The following VSTM4 variants were observed in gnomAD, a reference collection of about 807,000 sequenced individuals.
VSTM4 encodes V-set and transmembrane domain containing 4.
VSTM4 carries 20 observed loss-of-function variants against 36.4 expected under a neutral mutation model. The observed-to-expected ratio is 0.55, with a 90% CI of 0.39 to 0.80. The LOEUF (loss-of-function observed/expected upper bound fraction) is 0.80, where lower values mean the gene tolerates loss of function less well. VSTM4 is among the 30% of genes least tolerant of loss of function. The pLI is 0.00. For missense variants in VSTM4, 392 were observed against 404.5 expected (o/e 0.97, Z 0.26); for synonymous variants, 182 against 173.9 (o/e 1.05, Z -0.37).
At chr10:49,066,366 A>G (rs1001936491) in intron 4 of VSTM4, among the ~76,000 whole-genome samples, 2 of 152,164 alleles carry the variant, frequency 1.3e-5, no homozygotes, top group Non-Finnish European at 2.9e-5. Context: ...CAAGGGGGGG[A>G]TGTTTCTAAT....
intron 4 of VSTM4, among the ~76,000 whole-genome samples, chr10:49,072,180 G>C (rs898692099): frequency 6.6e-6 from 1 of 152,156 alleles, no homozygotes; most frequent in African/African-American, 2.4e-5. Flanking sequence ...TCCATAAAAG[G>C]AGGAGCATCT....
In VSTM4 at chr10:49,107,975, C is replaced by T. The variant is rs771100395; in HGVS notation, c.76G>A (p.Val26Ile). 1 of 1,588,424 alleles carries T rather than the reference C, an allele frequency of 6.3e-7. No individual in the cohort carries two copies. Among genetic ancestry groups the T allele is most frequent in the South Asian group, 1.1e-5 (1 of 88,008 alleles). Residue 26 changes from valine to isoleucine, a missense_variant, in exon 2 of 8, where the codon GTC (valine) becomes ATC (isoleucine). Transcript: ENST00000332853. ...PAPEVCAALNVTVSPGPVVDY... is the reference protein window; with the variant it reads ...PAPEVCAALNITVSPGPVVDY... ...ACCACGGGCCCCGGGGACACAGTGA[C>T]ATTGAGGGCCGCACAGACCTCTGCA...
chr10:49,033,477 G>A (rs1256406104), intron 7 of VSTM4, among the ~76,000 whole-genome samples: 4 of 152,182 alleles, frequency 2.6e-5, no homozygotes, highest in African/African-American at 9.7e-5. Flanking sequence ...CCAAACTCCT[G>A]ACAGAGACCA....
At chr10:49,068,772 G>A (rs1399848524) in intron 4 of VSTM4, among the ~76,000 whole-genome samples, 4 of 152,148 alleles carry the variant, frequency 2.6e-5, no homozygotes, top group African/African-American at 9.7e-5. Flanking sequence ...AAACCCACTG[G>A]AAAGTGCCGG....
At chr10:49,092,460 C>A (rs6537495) in intron 2 of VSTM4, among the ~76,000 whole-genome samples, 18,429 of 152,206 alleles carry the variant, frequency 0.12, 1,748 homozygotes, top group African/African-American at 0.26. Context: ...TAAACCAATG[C>A]CTCTTCTATT....
At position 49,017,867 on chromosome 10, in the gene VSTM4, G is replaced by A. The variant is rs1049764282; in HGVS notation, c.*1783C>T. The stretch of plus-strand genomic sequence containing the variant: ...CCCTGTGATAATTATTATATAAATG[G>A]TGTGCTAACCATATATCCTCCCCTC... On this transcript the variant is annotated 3_prime_UTR_variant, in exon 8 of 8. Coordinates refer to ENST00000332853, the MANE Select transcript of VSTM4 (RefSeq NM_001031746.5). The A allele has an allele frequency of 6.6e-6, 1 of 152,138 alleles. No homozygotes were observed. Among genetic ancestry groups the A allele is most frequent in the African/African-American group, 2.4e-5 (1 of 41,398 alleles). 9.4% of individuals were successfully genotyped at this position (152,138 alleles called of 1,614,324 possible).
At chr10:49,026,305 C>T (rs967673169) in intron 7 of VSTM4, among the ~76,000 whole-genome samples, 1 of 152,154 alleles carries the variant, frequency 6.6e-6, no homozygotes, top group Non-Finnish European at 1.5e-5. Context: ...AAATTCACCC[C>T]ATGCTCAGCT....
At chr10:49,105,331 G>GAGAGAGA (rs58067768) in intron 2 of VSTM4, among the ~76,000 whole-genome samples, 1 of 116,500 alleles carries the variant, frequency 8.6e-6, no homozygotes, top group African/African-American at 3.1e-5. Flanking sequence ...GAGAGAGACG[G>GAGAGAGA]GGGGGGGAGA....
intron 2 of VSTM4, among the ~76,000 whole-genome samples, chr10:49,105,329 C>A (rs1181189741): frequency 8.1e-6 from 1 of 122,770 alleles, no homozygotes; most frequent in African/African-American, 2.9e-5. Context: ...GAGAGAGAGA[C>A]GGGGGGGGGA....
At chr10:49,022,016 T>C (rs1318754740) in intron 7 of VSTM4, among the ~76,000 whole-genome samples, 2 of 152,200 alleles carry the variant, frequency 1.3e-5, no homozygotes, top group East Asian at 3.8e-4. Flanking sequence ...TAACCATGGC[T>C]CTTTCTAGGG....
intron 7 of VSTM4, among the ~76,000 whole-genome samples, chr10:49,026,896 G>A (rs943439634): frequency 3.9e-5 from 6 of 152,120 alleles, no homozygotes; most frequent in Non-Finnish European, 7.4e-5. Context: ...CTTACACTAC[G>A]GATGCAAAAG....
intron 3 of VSTM4, among the ~76,000 whole-genome samples, chr10:49,084,463 T>G (rs1001232433): frequency 2.0e-5 from 3 of 152,220 alleles, no homozygotes; most frequent in African/African-American, 7.2e-5. Flanking sequence ...AAAGTTACAT[T>G]TTCCTAAGAC....
chr10:49,080,026 A>G (rs1844251306), intron 3 of VSTM4, among the ~76,000 whole-genome samples: 2 of 152,214 alleles, frequency 1.3e-5, no homozygotes, highest in South Asian at 2.1e-4. Context: ...TATATCAGCA[A>G]TGATTTAACA....
At chr10:49,054,885 G>A (rs1843752679) in intron 5 of VSTM4, among the ~76,000 whole-genome samples, 1 of 152,136 alleles carries the variant, frequency 6.6e-6, no homozygotes, top group South Asian at 2.1e-4. Flanking sequence ...TGTGAGCCAA[G>A]GGACTTTCAC....
rs1271233124 is a variant in VSTM4 at position 49,016,541 on chromosome 10, A to T, written c.*3109T>A. The stretch of plus-strand genomic sequence containing the variant: ...CTCAGCCTAGGTTACAGTCATGCAT[A>T]TCAGAGGCTGTGATGAGCAGGGCCA... On this transcript the variant is annotated 3_prime_UTR_variant, in exon 8 of 8. Transcript: ENST00000332853. 1 of 152,380 alleles carries T rather than the reference A, an allele frequency of 6.6e-6. No homozygotes were observed. Among genetic ancestry groups the T allele is most frequent in the South Asian group, 2.1e-4 (1 of 4,826 alleles). The allele number at this position is 152,380 out of a possible 1,614,324, so 9.4% of individuals were successfully genotyped here.
intron 2 of VSTM4, among the ~76,000 whole-genome samples, chr10:49,092,982 G>A (rs1844504065): frequency 6.6e-6 from 1 of 152,074 alleles, no homozygotes; most frequent in Admixed American, 6.5e-5. Flanking sequence ...CAACTCCAGG[G>A]GAAAACCGTC....
At chr10:49,103,684 A>T in intron 2 of VSTM4, 2 of 1,597,982 alleles carry the variant, frequency 1.3e-6, no homozygotes, top group South Asian at 2.3e-5. Flanking sequence ...AGGAGAGACC[A>T]GGCACCAGCC....
intron 7 of VSTM4, among the ~76,000 whole-genome samples, chr10:49,031,215 C>T (rs539271745): frequency 6.6e-6 from 1 of 152,290 alleles, no homozygotes; most frequent in South Asian, 2.1e-4. Flanking sequence ...TGTGCAAGGG[C>T]CTACTTAGGA....
intron 3 of VSTM4, among the ~76,000 whole-genome samples, chr10:49,084,858 C>A (rs184610662): frequency 2.8e-4 from 42 of 152,364 alleles, no homozygotes; most frequent in African/African-American, 9.6e-4. Context: ...GGTTTTCCAA[C>A]CTCAGCACTC....
Sources: gnomAD v4.1 joint callset for allele counts (sites outside exome capture counted in the v4.1 genomes callset) on GRCh38, gnomAD v4.1.1 for gene constraint, MANE v1.5 for transcripts, NCBI Gene and HGNC (gene_info 2026-07-23, HGNC 2026-07-21) for gene names.